The following SEC16A variants were observed in gnomAD, a reference collection of about 807,000 sequenced individuals.
SEC16A encodes SEC16 homolog A, endoplasmic reticulum export factor.
In SEC16A, 110 loss-of-function variants were observed where a neutral mutation model predicts 221.9. That is an observed-to-expected ratio of 0.50 (90% CI 0.42 to 0.58). The LOEUF (loss-of-function observed/expected upper bound fraction) is 0.58, where lower values mean the gene tolerates loss of function less well. SEC16A is among the 20% of genes least tolerant of loss of function. The pLI, the probability that SEC16A is intolerant of heterozygous loss-of-function variation, is 0.00. For missense variants in SEC16A, 3,165 were observed against 3,097.8 expected (o/e 1.02, Z -0.52); for synonymous variants, 1,393 against 1,257.7 (o/e 1.11, Z -2.28).
chr9:136,447,069 A>G lies in SEC16A; in HGVS notation c.6698-120T>C, dbSNP rs969356063. The G allele has an allele frequency of 2.0e-4, 306 of 1,523,608 alleles. No homozygotes were observed. The highest frequency in any genetic ancestry group is 2.6e-4 in the Non-Finnish European group (294 of 1,139,664). The allele number at this position is 1,523,608 out of a possible 1,614,324, so 94.4% of individuals were successfully genotyped here. A position where few individuals can be genotyped will look rare whatever the true frequency, so the allele number is the denominator to read the frequency against. ...ACACGCGGCACACTCATGCAGAAAC[A>G]GGCAAATCAAAAAAAAAACCACAAA... is the stretch of plus-strand genomic sequence containing the variant. On this transcript the variant is annotated intron_variant, in intron 27 of 31. Transcript: ENST00000684901. The surrounding 1 kb of genome is among the most constrained non-coding windows in gnomAD (Gnocchi z 5.5).
chr9:136,463,168 G>A (rs776255182), intron 11 of SEC16A, 36 bp from the exon 12 acceptor site: 42 of 1,601,220 alleles, frequency 2.6e-5, no homozygotes, highest in Middle Eastern at 1.6e-4. Context: ...GGAGAACAAC[G>A]GCTCTCAGGT....
At chr9:136,445,414 C>T (rs1180148077) in intron 29 of SEC16A, among the ~76,000 whole-genome samples, 4 of 152,192 alleles carry the variant, frequency 2.6e-5, no homozygotes, top group Admixed American at 1.3e-4. Flanking sequence ...GGGAGAGGAC[C>T]GGGACTGAGG....
At chr9:136,457,347 G>A (rs1018684355) in intron 18 of SEC16A, 97 bp downstream of exon 18, 76 of 1,383,554 alleles carry the variant, frequency 5.5e-5, no homozygotes, top group Middle Eastern at 2.5e-4. Context: ...CACAATGCGC[G>A]TCTGAACCAT....
intron 1 of SEC16A, among the ~76,000 whole-genome samples, chr9:136,482,676 T>A (rs1462951901): frequency 6.6e-6 from 1 of 152,022 alleles, no homozygotes; most frequent in East Asian, 1.9e-4. Flanking sequence ...GGAACCGGCG[T>A]CACCGCAGCC....
At chr9:136,451,169 G>T in intron 23 of SEC16A, 87 bp downstream of exon 23, 1 of 1,381,338 alleles carries the variant, frequency 7.2e-7, no homozygotes, top group Non-Finnish European at 1.0e-6. Context: ...TGCATGTGTG[G>T]TGAATTAAGA....
At chr9:136,482,822 G>A (rs1162625540) in intron 1 of SEC16A, 116 bp downstream of exon 1, 1 of 249,774 alleles carries the variant, frequency 4.0e-6, no homozygotes, top group Non-Finnish European at 6.4e-6. Flanking sequence ...CCCGCTCGGG[G>A]CTGGGCCCAG....
chr9:136,459,933 C>T lies in SEC16A; in HGVS notation c.5074-59G>A. 1.3e-6 allele frequency: 2 copies of T among 1,552,566 alleles called. No homozygotes were observed. Among genetic ancestry groups the T allele is most frequent in the Non-Finnish European group, 1.8e-6 (2 of 1,137,968 alleles). ...CCCGGAAGCCAGCGCCATTTCAATT[C>T]CACACAGCTGGGCTCACCAGGCACC... On this transcript the variant is annotated intron_variant, in intron 14 of 31. Coordinates refer to ENST00000684901, the MANE Select transcript of SEC16A (RefSeq NM_014866.2). This position sits in a 1 kb window ranked among gnomAD's most constrained non-coding sequence, Gnocchi z 6.1.
Position 136,461,118 on chromosome 9 carries a change from C to T in SEC16A, c.4991+59G>A, listed in dbSNP as rs546949531. 6.3e-4 allele frequency: 863 copies of T among 1,359,432 alleles called. 7 individuals are homozygous for T. The African/African-American group carries it at 0.011, about 17-fold the overall frequency. 84.2% of individuals were successfully genotyped at this position (1,359,432 alleles called of 1,614,324 possible). On this transcript the variant is annotated intron_variant, in intron 13 of 31. Coordinates refer to ENST00000684901, the MANE Select transcript of SEC16A (RefSeq NM_014866.2). ...CCGCCTGCCCCCAGGGTGCGGACGC[C>T]GCGTGCTACAGGGAGCCAGCAGGGC...
At chr9:136,448,311 G>A (rs1837284848) in intron 23 of SEC16A, 150 bp from the exon 24 acceptor site, 1 of 730,182 alleles carries the variant, frequency 1.4e-6, no homozygotes. Context: ...GGTGGGAGCA[G>A]ATCCACAGAG....
Position 136,476,619 on chromosome 9 carries a change from G to A in SEC16A, c.997C>T (p.Leu333Phe), listed in dbSNP as rs751788583. The change falls in exon 3 of 32, where the codon CTT (leucine) becomes TTT (phenylalanine). Residue 333 changes from leucine to phenylalanine, a missense_variant. By Grantham distance (22) the Leu-to-Phe change is conservative (BLOSUM62 0). This residue lies in a region of SEC16A where 2,030 missense variants were observed against 1,923.1 expected (regional missense o/e 1.06). Coordinates refer to ENST00000684901, the MANE Select transcript of SEC16A (RefSeq NM_014866.2). Reference sequence around the variant, plus strand: ...TCTCCCCGGGCGAGGGGGTTCACAAGAGCAGAGGCGGGCCGGTGCTCATTC... The same window carrying A: ...TCTCCCCGGGCGAGGGGGTTCACAAAAGCAGAGGCGGGCCGGTGCTCATTC... Reference protein sequence around the residue: ...VKNEHRPASALVNPLARGDSP... With the variant: ...VKNEHRPASAFVNPLARGDSP... The A allele has an allele frequency of 7.5e-6, 12 of 1,590,434 alleles. No individual in the cohort carries two copies. The highest frequency in any genetic ancestry group is 1.0e-5 in the Non-Finnish European group (12 of 1,166,120).
rs564552392 is a variant in SEC16A at position 136,440,268 on chromosome 9, C to G, written c.*1487G>C. ...ACCGGAAGAGGTCCCAGGATTCACA[C>G]GAGCTGACCGAGGGACAGAGAGGGC... On this transcript the variant is annotated 3_prime_UTR_variant, in exon 32 of 32. Coordinates refer to ENST00000684901, the MANE Select transcript of SEC16A (RefSeq NM_014866.2). The G allele has an allele frequency of 6.6e-6, 1 of 152,372 alleles. No individual in the cohort carries two copies. The highest frequency in any genetic ancestry group is 1.9e-4 in the East Asian group (1 of 5,318). The allele number at this position is 152,372 out of a possible 1,614,324, so 9.4% of individuals were successfully genotyped here.
chr9:136,467,647 C>T (rs1190192057), intron 5 of SEC16A, among the ~76,000 whole-genome samples: 1 of 152,196 alleles, frequency 6.6e-6, no homozygotes, highest in Non-Finnish European at 1.5e-5. Flanking sequence ...GGGCTCTAAA[C>T]AAACTGGATA....
chr9:136,463,394 G>A (rs1423704066), intron 11 of SEC16A, 69 bp downstream of exon 11: 19 of 1,571,156 alleles, frequency 1.2e-5, no homozygotes, highest in Non-Finnish European at 1.5e-5. Flanking sequence ...TCCTTCGGGA[G>A]GCTGAGCATT....
In SEC16A at chr9:136,473,541, G is replaced by A. The variant is rs376356531; in HGVS notation, c.3567+508C>T. 3.3e-4 allele frequency among the ~76,000 whole-genome samples: 50 copies of A among 152,368 alleles called. No individual in the cohort carries two copies. The East Asian group carries it at 6.0e-3, about 18-fold the overall frequency. On this transcript the variant is annotated intron_variant, in intron 3 of 31. Transcript: ENST00000684901. Reference sequence around the variant, plus strand: ...CACCACGTGCTGACAGCAGCTTGCGGGACTCCGCCTCGCTTAGCTGATGCG... The same window carrying A: ...CACCACGTGCTGACAGCAGCTTGCGAGACTCCGCCTCGCTTAGCTGATGCG...
At position 136,466,404 on chromosome 9, in the gene SEC16A, C is replaced by G; in HGVS notation, c.3988G>C (p.Asp1330His). The change falls in exon 7 of 32, where the codon GAT (aspartate) becomes CAT (histidine). Residue 1330 changes from aspartate to histidine, a missense_variant. By Grantham distance (81) the Asp-to-His change is moderately conservative (BLOSUM62 -1). This residue lies in a region of SEC16A where 2,030 missense variants were observed against 1,923.1 expected (regional missense o/e 1.06). Coordinates refer to ENST00000684901, the MANE Select transcript of SEC16A (RefSeq NM_014866.2). This position sits in a 1 kb window ranked among gnomAD's most constrained non-coding sequence, Gnocchi z 5.5. ...YDPRFTGSFD[D>H]DPDPHRDPYG... is the part of the protein sequence containing the mutation. ...GGGTCTCTGTGCGGATCGGGGTCAT[C>G]GTCAAAACTCCCCGTGAAGCGAGGA... 1.2e-6 allele frequency: 2 copies of G among 1,606,186 alleles called. No homozygotes were observed. Among genetic ancestry groups the G allele is most frequent in the East Asian group, 4.5e-5 (2 of 44,594 alleles).
chr9:136,459,573 G>A lies in SEC16A; in HGVS notation c.5192-18C>T, dbSNP rs748487944. ...CCTTGAAGCTGCGGAGAGACGACAC[G>A]ACACACGGCGGGGGCTCAGCGACCG... On this transcript the variant is annotated intron_variant, in intron 15 of 31. Coordinates refer to ENST00000684901, the MANE Select transcript of SEC16A (RefSeq NM_014866.2). The surrounding 1 kb of genome is among the most constrained non-coding windows in gnomAD (Gnocchi z 6.1). 1.0e-5 allele frequency: 16 copies of A among 1,556,312 alleles called. No homozygotes were observed. The highest frequency in any genetic ancestry group is 8.2e-5 in the South Asian group (7 of 85,620).
chr9:136,459,727 A>G lies in SEC16A; in HGVS notation c.5191+30T>C, dbSNP rs1486208268. On this transcript the variant is annotated intron_variant, in intron 15 of 31. Transcript: ENST00000684901. This position sits in a 1 kb window ranked among gnomAD's most constrained non-coding sequence, Gnocchi z 6.1. ...GGGCCTTCGGCGCTCCATCCGCGAC[A>G]CCCAATGCCCATCTCCACCCCTGAC... The G allele has an allele frequency of 1.9e-6, 3 of 1,549,012 alleles. No homozygotes were observed. The highest frequency in any genetic ancestry group is 2.6e-6 in the Non-Finnish European group (3 of 1,133,762).
rs1163358193 is a variant in SEC16A, at chr9:136,474,705, G to A, written c.2911C>T (p.His971Tyr). The stretch of plus-strand genomic sequence containing the variant: ...TTACCATCAGGCACCAGGGTGCCGT[G>A]TGCAGGTGGAACTAACACCACACTT... ...STSVVLVPPA[H>Y]GTLVPDGNKA... Residue 971 changes from histidine (H) to tyrosine (Y), a missense_variant, in exon 3 of 32, where the codon CAC becomes TAC. Coordinates refer to ENST00000684901, the MANE Select transcript of SEC16A (RefSeq NM_014866.2). 1.9e-6 allele frequency: 3 copies of A among 1,613,842 alleles called. No individual in the cohort carries two copies. The highest frequency in any genetic ancestry group is 2.5e-6 in the Non-Finnish European group (3 of 1,179,896).
intron 28 of SEC16A, 87 bp from the exon 29 acceptor site, chr9:136,445,806 G>T: frequency 8.3e-7 from 1 of 1,207,034 alleles, no homozygotes; most frequent in Non-Finnish European, 1.2e-6. Flanking sequence ...AACTGTTCTG[G>T]CCTGGGTTAC....
Sources: gnomAD v4.1 joint callset for allele counts (sites outside exome capture counted in the v4.1 genomes callset) on GRCh38, gnomAD v4.1.1 for gene constraint, gnomAD v4.1.1 regional missense constraint, Gnocchi (gnomAD v3.1) non-coding constraint, MANE v1.5 for transcripts, NCBI Gene and HGNC (gene_info 2026-07-23, HGNC 2026-07-21) for gene names.